Variants in TUBGCP5 observed in about 807,000 individuals in gnomAD.
TUBGCP5 encodes the protein tubulin gamma complex component 5.
TUBGCP5 carries 98 observed loss-of-function variants against 134.7 expected under a neutral mutation model. The observed-to-expected ratio is 0.73, with a 90% CI of 0.62 to 0.86. The LOEUF is 0.86. TUBGCP5 is among the 40% of genes least tolerant of loss of function. TUBGCP5 has a pLI of 0.00. For synonymous variants in TUBGCP5, 456 were observed against 431.4 expected (o/e 1.06, Z -0.71); for missense variants, 1,150 against 1,244.8 (o/e 0.92, Z 1.15).
At chr15:22,987,667 T>C (rs1488576026) in intron 23 of TUBGCP5, among the ~76,000 whole-genome samples, 2 of 149,520 alleles carry the variant, frequency 1.3e-5, no homozygotes, top group African/African-American at 2.5e-5. Context: ...GAGGCTGAGG[T>C]GGGTGGATCA....
At chr15:22,992,429 C>T (rs1159566326) in intron 23 of TUBGCP5, among the ~76,000 whole-genome samples, 1 of 152,134 alleles carries the variant, frequency 6.6e-6, no homozygotes, top group Admixed American at 6.5e-5. Flanking sequence ...CAAAGCCCTG[C>T]AGCAAGTCCA....
chr15:22,994,586 A>G (rs1332997540), downstream of TUBGCP5, among the ~76,000 whole-genome samples: 1 of 152,156 alleles, frequency 6.6e-6, no homozygotes, highest in Non-Finnish European at 1.5e-5. Context: ...GGTAAATTGA[A>G]GCTGTTTATT....
chr15:23,005,993 T>C, intron 18 of TUBGCP5, 59 bp downstream of exon 18: 1 of 1,518,692 alleles, frequency 6.6e-7, no homozygotes, highest in Non-Finnish European at 8.8e-7. Flanking sequence ...CATTAACCTC[T>C]TTTATTAAGG....
rs1009749281 is a variant in TUBGCP5 at position 23,034,310 on chromosome 15, A to G, written c.310-1486T>C. On this transcript the variant is annotated intron_variant, in intron 3 of 22. Transcript: ENST00000615383. Reference sequence around the variant, plus strand: ...CACTGGCCACCTGACAGTATGTCAGAAGAGACAGAGCAAGCATCCAAACCA... The same window carrying G: ...CACTGGCCACCTGACAGTATGTCAGGAGAGACAGAGCAAGCATCCAAACCA... Among the ~76,000 whole-genome samples the G allele has an allele frequency of 3.3e-5, 5 of 152,316 alleles. No homozygotes were observed. In the East Asian group the frequency reaches 9.6e-4, roughly 29 times the overall value.
intron 23 of TUBGCP5, among the ~76,000 whole-genome samples, chr15:22,984,133 G>GAAATA (rs934347160): frequency 4.6e-5 from 7 of 151,918 alleles, no homozygotes; most frequent in South Asian, 4.2e-4. Context: ...AAAATAGAAC[G>GAAATA]AAATAAAATA....
At chr15:23,033,429 C>A (rs549690318) in intron 3 of TUBGCP5, among the ~76,000 whole-genome samples, 1 of 152,216 alleles carries the variant, frequency 6.6e-6, no homozygotes, top group South Asian at 2.1e-4. Context: ...CAGGTACGCA[C>A]CACCACGCCC....
intron 15 of TUBGCP5, among the ~76,000 whole-genome samples, chr15:23,009,409 C>A (rs1453972902): frequency 2.6e-5 from 4 of 151,936 alleles, no homozygotes; most frequent in African/African-American, 9.7e-5. Context: ...ACTGGGACTA[C>A]AGGCGCCCGG....
intron 21 of TUBGCP5, among the ~76,000 whole-genome samples, chr15:23,001,452 TC>T (rs2064369509): frequency 6.6e-6 from 1 of 151,616 alleles, no homozygotes; most frequent in South Asian, 2.1e-4. Context: ...TCAGCAATTC[TC>T]CTGCCTCAGC....
In TUBGCP5 at chr15:23,037,090, C is replaced by T. The variant is rs757985046; in HGVS notation, c.200+9G>A. The T allele has an allele frequency of 3.7e-6, 6 of 1,613,402 alleles. No homozygotes were observed. The highest frequency in any genetic ancestry group is 2.2e-5 in the South Asian group (2 of 91,020). On this transcript the variant is annotated intron_variant, in intron 2 of 22. Transcript: ENST00000615383. ...ATTTCTGGATGCGTATATATACACA[C>T]TGACTTACCCTTCGATTGTTTTTTC...
At chr15:23,028,039 A>C (rs1476045112) in intron 6 of TUBGCP5, among the ~76,000 whole-genome samples, 1 of 152,134 alleles carries the variant, frequency 6.6e-6, no homozygotes. Context: ...CTAACATTTT[A>C]TGAGGCTAAT....
At position 23,024,160 on chromosome 15, in the gene TUBGCP5, C is replaced by A; in HGVS notation, c.955G>T (p.Ala319Ser). The A allele has an allele frequency of 6.2e-7, 1 of 1,614,114 alleles. No individual in the cohort carries two copies. The highest frequency in any genetic ancestry group is 8.5e-7 in the Non-Finnish European group (1 of 1,180,020). ...AGTCGAAACACAACCTGGCCATATGCTGCTATTTGTTCCAGCACAGATCGT... is the reference window on the plus strand; with the variant it reads ...AGTCGAAACACAACCTGGCCATATGATGCTATTTGTTCCAGCACAGATCGT... ...CLRSVLEQIA[A>S]YGQVVFRLQE... Residue 319 changes from alanine to serine, a missense_variant, in exon 10 of 23, where the codon GCA becomes TCA. By Grantham distance (99) the Ala-to-Ser change is moderately conservative. Transcript: ENST00000615383.
intron 21 of TUBGCP5, among the ~76,000 whole-genome samples, chr15:23,001,293 C>A (rs902554588): frequency 6.7e-6 from 1 of 149,364 alleles, no homozygotes; most frequent in African/African-American, 2.5e-5. Context: ...TCTGCCCCCA[C>A]TGGCCTCCCA....
chr15:22,989,918 A>G (rs1245045065), intron 23 of TUBGCP5, among the ~76,000 whole-genome samples: 2 of 152,162 alleles, frequency 1.3e-5, no homozygotes, highest in Non-Finnish European at 2.9e-5. Flanking sequence ...CAGTGAAAAC[A>G]TGTGGACTCC....
downstream of TUBGCP5, among the ~76,000 whole-genome samples, chr15:22,995,528 T>A (rs1285380738): frequency 6.9e-6 from 1 of 144,792 alleles, no homozygotes; most frequent in Non-Finnish European, 1.5e-5. Context: ...CCAGGTGAGA[T>A]CGCACCACTG....
Position 23,000,674 on chromosome 15 carries a change from G to A in TUBGCP5, c.2928-5C>T. ...ATTTTCTCTATAGATTCCATTCTAG[G>A]AATAAAAGTAAATTTCAATTAAGTA... On this transcript the variant is annotated splice_polypyrimidine_tract_variant and splice_region_variant and intron_variant, in intron 21 of 22. Coordinates refer to ENST00000615383, the MANE Select transcript of TUBGCP5 (RefSeq NM_052903.6). The A allele has an allele frequency of 6.3e-7, 1 of 1,588,264 alleles. No individual in the cohort carries two copies. The highest frequency in any genetic ancestry group is 8.6e-7 in the Non-Finnish European group (1 of 1,162,654).
intron 13 of TUBGCP5, among the ~76,000 whole-genome samples, chr15:23,014,542 A>C (rs193039611): frequency 3.5e-4 from 53 of 152,274 alleles, no homozygotes; most frequent in African/African-American, 1.2e-3. Context: ...CATGCCAGCC[A>C]AGCAGCCTTC....
At chr15:23,001,960 C>T (rs954606264) in intron 21 of TUBGCP5, among the ~76,000 whole-genome samples, 2 of 152,052 alleles carry the variant, frequency 1.3e-5, no homozygotes, top group Admixed American at 6.6e-5. Context: ...TTTCACTTTT[C>T]GGCTTTAAGT....
chr15:22,993,656 T>C (rs2063938884), intron 23 of TUBGCP5, among the ~76,000 whole-genome samples: 1 of 150,670 alleles, frequency 6.6e-6, no homozygotes, highest in Non-Finnish European at 1.5e-5. Context: ...GCGGTTCTCC[T>C]GTCTCAGCCT....
intron 1 of TUBGCP5, 36 bp from the exon 2 acceptor site, chr15:23,037,188 T>C (rs1426543580): frequency 1.9e-6 from 3 of 1,603,898 alleles, no homozygotes; most frequent in African/African-American, 2.7e-5. Flanking sequence ...ATGCCAACTC[T>C]GTCACACAGG....
Sources: gnomAD v4.1 joint callset for allele counts (sites outside exome capture counted in the v4.1 genomes callset) on GRCh38, gnomAD v4.1.1 for gene constraint, MANE v1.5 for transcripts, NCBI Gene and HGNC (gene_info 2026-07-23, HGNC 2026-07-21) for gene names.